CWF19L2: variants seen among roughly 807,000 people sequenced by gnomAD.
CWF19L2 encodes the protein CWF19 like cell cycle control factor 2.
In CWF19L2, 98 loss-of-function variants were observed where a neutral mutation model predicts 111.7. The ratio of observed to expected loss-of-function variants is 0.88; its 90% CI spans 0.75 to 1.04. CWF19L2 has a LOEUF of 1.04. Ranked by LOEUF, CWF19L2 falls within the 50% of genes least tolerant of loss-of-function variation. The pLI is 0.00. For missense variants in CWF19L2, 1,101 were observed against 1,051.4 expected, an observed-to-expected ratio of 1.05 and a Z score of -0.65; for synonymous variants, 351 against 342.9, an observed-to-expected ratio of 1.02 and a Z score of -0.26.
chr11:107,361,342 G>A (rs1296869233), intron 12 of CWF19L2, among the ~76,000 whole-genome samples: 1 of 152,190 alleles, frequency 6.6e-6, no homozygotes, highest in African/African-American at 2.4e-5. Context: ...GTACCAAGCT[G>A]TTTTGGTTAC....
At chr11:107,455,818 C>A in intron 1 of CWF19L2, 42 bp from the exon 2 acceptor site, 1 of 1,249,734 alleles carries the variant, frequency 8.0e-7, no homozygotes, top group Non-Finnish European at 1.1e-6. Context: ...GCAATTGACC[C>A]AACTGGGTTT....
At chr11:107,410,335 T>C (rs1035570131) in intron 10 of CWF19L2, among the ~76,000 whole-genome samples, 8 of 152,134 alleles carry the variant, frequency 5.3e-5, no homozygotes, top group Admixed American at 1.3e-4. Flanking sequence ...ATGGAATAAA[T>C]TACTTTAGTT....
intron 17 of CWF19L2, among the ~76,000 whole-genome samples, chr11:107,327,319 T>C (rs1859776255): frequency 6.6e-6 from 1 of 152,116 alleles, no homozygotes; most frequent in African/African-American, 2.4e-5. Flanking sequence ...TACTAGATGG[T>C]AACAAAGGGG....
At chr11:107,425,081 C>A (rs1386841790) in intron 8 of CWF19L2, among the ~76,000 whole-genome samples, 4 of 151,624 alleles carry the variant, frequency 2.6e-5, no homozygotes, top group Non-Finnish European at 4.4e-5. Context: ...CCAAACATGT[C>A]TCAATTTCAA....
intron 14 of CWF19L2, among the ~76,000 whole-genome samples, chr11:107,345,916 T>G (rs895428806): frequency 2.6e-5 from 4 of 152,216 alleles, no homozygotes; most frequent in African/African-American, 9.6e-5. Flanking sequence ...GTTATGGAGA[T>G]GACATGAAAT....
rs1036688216 is a variant in CWF19L2 at position 107,361,730 on chromosome 11, G to A, written c.1873-7994C>T. Among the ~76,000 whole-genome samples the A allele has an allele frequency of 2.0e-5, 3 of 152,056 alleles. No individual in the cohort carries two copies. The South Asian group carries it at 6.2e-4, about 32-fold the overall frequency. ...ATATTCCTAGGTATTATTTTTTATAGCTATTGTAAATGGGATTACCTTGAT... is the reference window on the plus strand; with the variant it reads ...ATATTCCTAGGTATTATTTTTTATAACTATTGTAAATGGGATTACCTTGAT... On this transcript the variant is annotated intron_variant, in intron 12 of 17. Coordinates refer to ENST00000282251, the MANE Select transcript of CWF19L2 (RefSeq NM_152434.3).
chr11:107,400,658 C>G (rs933665277), intron 10 of CWF19L2, among the ~76,000 whole-genome samples: 28 of 152,248 alleles, frequency 1.8e-4, no homozygotes, highest in South Asian at 4.1e-4. Flanking sequence ...TGGTACCAAT[C>G]CTTTTGACAC....
chr11:107,409,234 T>C (rs1861124381), intron 10 of CWF19L2, among the ~76,000 whole-genome samples: 1 of 152,054 alleles, frequency 6.6e-6, no homozygotes, highest in Non-Finnish European at 1.5e-5. Context: ...TTGAATATGG[T>C]CAAACTACTA....
intron 5 of CWF19L2, among the ~76,000 whole-genome samples, chr11:107,440,621 G>C (rs1393047494): frequency 6.6e-6 from 1 of 152,058 alleles, no homozygotes; most frequent in African/African-American, 2.4e-5. Context: ...TGCATACTGA[G>C]GACAATTGAC....
intron 10 of CWF19L2, chr11:107,403,586 G>A (rs1335973091): frequency 4.5e-5 from 35 of 785,274 alleles, no homozygotes; most frequent in South Asian, 2.3e-4. Context: ...ACTCTCTGTC[G>A]TTTCTTCAAG....
chr11:107,343,933 C>T (rs935593133), intron 14 of CWF19L2, among the ~76,000 whole-genome samples: 1 of 152,110 alleles, frequency 6.6e-6, no homozygotes, highest in Non-Finnish European at 1.5e-5. Flanking sequence ...ACACATCAGA[C>T]ACCAGGTGCG....
intron 7 of CWF19L2, among the ~76,000 whole-genome samples, chr11:107,431,740 T>C (rs572385976): frequency 5.3e-5 from 8 of 151,998 alleles, no homozygotes; most frequent in Non-Finnish European, 8.8e-5. Flanking sequence ...AAAAGTATGA[T>C]ACAAATTCCA....
chr11:107,359,290 T>A (rs1860286886), intron 12 of CWF19L2, among the ~76,000 whole-genome samples: 1 of 152,238 alleles, frequency 6.6e-6, no homozygotes, highest in African/African-American at 2.4e-5. Context: ...GATATGGATT[T>A]GCCTTCCTGG....
intron 4 of CWF19L2, among the ~76,000 whole-genome samples, 159 bp downstream of exon 4, chr11:107,442,778 GGA>G: frequency 1.9e-5 from 1 of 51,940 alleles, no homozygotes. Flanking sequence ...AAGGAAGGAA[GGA>G]AGGAAGGAAG....
chr11:107,449,007 A>G (rs991527098), intron 3 of CWF19L2, among the ~76,000 whole-genome samples: 4 of 151,276 alleles, frequency 2.6e-5, no homozygotes, highest in South Asian at 2.1e-4. Flanking sequence ...AATAATGATG[A>G]AAAAAAAAGC....
chr11:107,330,963 A>G (rs6588965), intron 16 of CWF19L2, among the ~76,000 whole-genome samples: 43,410 of 151,994 alleles, frequency 0.29, 6,488 homozygotes, highest in Non-Finnish European at 0.34. Flanking sequence ...GCACAGTATG[A>G]TATAGTGGAG....
intron 8 of CWF19L2, among the ~76,000 whole-genome samples, chr11:107,425,228 A>C (rs1861358752): frequency 6.6e-6 from 1 of 150,826 alleles, no homozygotes; most frequent in East Asian, 1.9e-4. Flanking sequence ...AGAGGTTGAA[A>C]ACCTTTGAGA....
intron 17 of CWF19L2, among the ~76,000 whole-genome samples, chr11:107,329,700 G>A (rs888012241): frequency 1.3e-5 from 2 of 152,050 alleles, no homozygotes; most frequent in Non-Finnish European, 2.9e-5. Flanking sequence ...TGTTGACACC[G>A]TCAAGAAATG....
chr11:107,401,166 T>A (rs1188034228), intron 10 of CWF19L2, among the ~76,000 whole-genome samples: 1 of 152,084 alleles, frequency 6.6e-6, no homozygotes, highest in Non-Finnish European at 1.5e-5. Flanking sequence ...AAGACAAGGA[T>A]GCTCACTCTC....
Sources: gnomAD v4.1 joint callset for allele counts (sites outside exome capture counted in the v4.1 genomes callset) on GRCh38, gnomAD v4.1.1 for gene constraint, MANE v1.5 for transcripts, NCBI Gene and HGNC (gene_info 2026-07-23, HGNC 2026-07-21) for gene names.